Variants in CHSY3 observed in about 807,000 individuals in gnomAD.
CHSY3 encodes the protein N-acetylgalactosaminyl-proteoglycan 3-beta-glucuronosyltransferase 3.
A neutral mutation model predicts 67.2 loss-of-function variants in CHSY3; 35 were observed. That is an observed-to-expected ratio of 0.52 (90% CI 0.40 to 0.69). The LOEUF (loss-of-function observed/expected upper bound fraction) is 0.69, where lower values mean the gene tolerates loss of function less well. Ranked by LOEUF, CHSY3 falls within the 30% of genes least tolerant of loss-of-function variation. The probability of loss-of-function intolerance (pLI) is 0.00; values close to 1 mark genes in which losing one functional copy is unlikely to be tolerated. For synonymous variants in CHSY3, 474 were observed against 434.7 expected, an observed-to-expected ratio of 1.09 and a Z score of -1.12; for missense variants, 1,069 against 1,138.5, an observed-to-expected ratio of 0.94 and a Z score of 0.88.
At chr5:130,035,618 C>G (rs1764840660) in intron 2 of CHSY3, among the ~76,000 whole-genome samples, 1 of 152,036 alleles carries the variant, frequency 6.6e-6, no homozygotes, top group Non-Finnish European at 1.5e-5. Context: ...CAGAAATGAG[C>G]CAACCTCTGT....
intron 2 of CHSY3, among the ~76,000 whole-genome samples, chr5:130,083,563 G>A (rs1258662713): frequency 6.6e-6 from 1 of 152,000 alleles, no homozygotes; most frequent in Admixed American, 6.6e-5. Context: ...AGTCATCACA[G>A]GTGGTAACAT....
intron 2 of CHSY3, among the ~76,000 whole-genome samples, chr5:130,060,764 A>G (rs1448016801): frequency 6.6e-6 from 1 of 152,180 alleles, no homozygotes; most frequent in Non-Finnish European, 1.5e-5. Context: ...CCATATACTG[A>G]TAACATTCAA....
rs144543627 is a variant in CHSY3, at chr5:130,150,465, T to G, written c.1087-33764T>G. 9.5e-3 allele frequency among the ~76,000 whole-genome samples: 1,445 copies of G among 152,246 alleles called. 13 individuals are homozygous for G. Among genetic ancestry groups the G allele is most frequent in the Middle Eastern group, 0.014 (4 of 294 alleles). On this transcript the variant is annotated intron_variant, in intron 2 of 2. Coordinates refer to ENST00000305031, the MANE Select transcript of CHSY3 (RefSeq NM_175856.5). ...TTTATTACTTTAAAATGAAAAAATG[T>G]AAATAGAAATAATATTGTACTGGAG... is the stretch of plus-strand genomic sequence containing the variant.
intron 2 of CHSY3, among the ~76,000 whole-genome samples, chr5:130,178,181 G>C (rs1251020863): frequency 8.6e-6 from 1 of 116,104 alleles, no homozygotes; most frequent in Non-Finnish European, 1.7e-5. Flanking sequence ...ATATATATGT[G>C]TGTGTGTATA....
At chr5:130,182,652 A>G (rs557812020) in intron 2 of CHSY3, among the ~76,000 whole-genome samples, 18 of 152,250 alleles carry the variant, frequency 1.2e-4, no homozygotes, top group African/African-American at 4.1e-4. Context: ...TTACATCAAC[A>G]GGTCATCCAT....
At chr5:130,147,059 G>T (rs1025910272) in intron 2 of CHSY3, among the ~76,000 whole-genome samples, 1 of 152,196 alleles carries the variant, frequency 6.6e-6, no homozygotes, top group Non-Finnish European at 1.5e-5. Flanking sequence ...CTCCCAAAAT[G>T]TTGGGATTAC....
intron 2 of CHSY3, among the ~76,000 whole-genome samples, chr5:129,913,987 A>T (rs1463154481): frequency 2.6e-5 from 4 of 152,368 alleles, no homozygotes; most frequent in Admixed American, 1.3e-4. Flanking sequence ...AAGTAATATC[A>T]GAAAGCTGTA....
At position 130,184,394 on chromosome 5, in the gene CHSY3, C is replaced by T. The variant is rs370639793; in HGVS notation, c.1252C>T (p.Arg418Cys). The T allele has an allele frequency of 8.7e-6, 14 of 1,613,750 alleles. No individual in the cohort carries two copies. The highest frequency in any genetic ancestry group is 6.7e-5 in the East Asian group (3 of 44,886). ...GCTCAGCCGCAAAATTTCTGAACTT[C>T]GCTACCGCACCATCCAGCTCCACAG... Reference protein sequence around the residue: ...YMLSRKISELRYRTIQLHRES... With the variant: ...YMLSRKISELCYRTIQLHRES... Residue 418 changes from arginine to cysteine, a missense_variant, in exon 3 of 3, where the codon CGC (arginine) becomes TGC (cysteine). Coordinates refer to ENST00000305031, the MANE Select transcript of CHSY3 (RefSeq NM_175856.5).
At chr5:129,950,946 A>G (rs56102113) in intron 2 of CHSY3, among the ~76,000 whole-genome samples, 5,022 of 152,238 alleles carry the variant, frequency 0.033, 274 homozygotes, top group African/African-American at 0.11. Context: ...AATAGCTAAA[A>G]CACAAGAACA....
chr5:130,057,755 C>G (rs962968232), intron 2 of CHSY3, among the ~76,000 whole-genome samples: 12 of 152,104 alleles, frequency 7.9e-5, no homozygotes, highest in African/African-American at 2.9e-4. Context: ...ACATTCGTAC[C>G]AAGATGTTTA....
intron 2 of CHSY3, among the ~76,000 whole-genome samples, chr5:129,931,650 C>CAACA (rs1561460852): frequency 6.6e-6 from 1 of 152,084 alleles, no homozygotes; most frequent in Non-Finnish European, 1.5e-5. Flanking sequence ...CTAAATGATG[C>CAACA]TGTTAGGGTC....
chr5:130,149,901 G>T (rs1325298914), intron 2 of CHSY3, among the ~76,000 whole-genome samples: 2 of 152,078 alleles, frequency 1.3e-5, no homozygotes, highest in African/African-American at 2.4e-5. Flanking sequence ...CCATTAAAAT[G>T]ATGTTTATAA....
intron 2 of CHSY3, among the ~76,000 whole-genome samples, chr5:130,144,841 G>T (rs1769023245): frequency 6.6e-6 from 1 of 152,090 alleles, no homozygotes; most frequent in Non-Finnish European, 1.5e-5. Context: ...AATTTATAAA[G>T]AAAAAAGGTT....
rs920871652 is a variant in CHSY3, at chr5:130,185,340, A to G, written c.2198A>G (p.Asp733Gly). The G allele has an allele frequency of 1.9e-6, 3 of 1,608,894 alleles. No homozygotes were observed. The highest frequency in any genetic ancestry group is 2.7e-5 in the African/African-American group (2 of 74,832). The change falls in exon 3 of 3, where the codon GAC becomes GGC. Residue 733 changes from aspartate to glycine, a missense_variant. By Grantham distance (94) the Asp-to-Gly change is moderately conservative. Around this residue, in one of 5 missense-constraint regions of CHSY3, gnomAD observed 401 missense variants for 395.2 expected, o/e 1.01. Coordinates refer to ENST00000305031, the MANE Select transcript of CHSY3 (RefSeq NM_175856.5). Reference protein sequence around the residue: ...FREDFLQRCRDNTIQGQQVYY... With the variant: ...FREDFLQRCRGNTIQGQQVYY... ...GAAGATTTTCTCCAACGATGTAGAG[A>G]CAATACAATTCAGGGACAACAGGTG... is the stretch of plus-strand genomic sequence containing the variant.
chr5:130,043,191 T>G (rs968622163), intron 2 of CHSY3, among the ~76,000 whole-genome samples: 9 of 152,012 alleles, frequency 5.9e-5, no homozygotes, highest in African/African-American at 2.2e-4. Context: ...TGTTTTGTTG[T>G]TTGTTTGTTT....
intron 2 of CHSY3, among the ~76,000 whole-genome samples, chr5:130,121,372 T>C (rs566204787): frequency 6.6e-6 from 1 of 152,220 alleles, no homozygotes; most frequent in Non-Finnish European, 1.5e-5. Context: ...ATTTTTCTAA[T>C]GTATTTAGAG....
At chr5:130,009,318 T>C (rs1763977458) in intron 2 of CHSY3, among the ~76,000 whole-genome samples, 1 of 152,014 alleles carries the variant, frequency 6.6e-6, no homozygotes, top group Non-Finnish European at 1.5e-5. Flanking sequence ...ATATTCAGCA[T>C]CGCTAAAGAA....
chr5:130,025,705 G>A (rs1324540117), intron 2 of CHSY3, among the ~76,000 whole-genome samples: 2 of 152,134 alleles, frequency 1.3e-5, no homozygotes, highest in Middle Eastern at 3.4e-3. Flanking sequence ...TCCTCCCATA[G>A]CAGAAGGGCC....
At chr5:129,914,188 G>T (rs1396324874) in intron 2 of CHSY3, among the ~76,000 whole-genome samples, 1 of 151,980 alleles carries the variant, frequency 6.6e-6, no homozygotes, top group Admixed American at 6.6e-5. Flanking sequence ...TTGGCTCACT[G>T]CAACCTCCCC....
Sources: gnomAD v4.1 joint callset for allele counts (sites outside exome capture counted in the v4.1 genomes callset) on GRCh38, gnomAD v4.1.1 for gene constraint, gnomAD v4.1.1 regional missense constraint, MANE v1.5 for transcripts, NCBI Gene and HGNC (gene_info 2026-07-23, HGNC 2026-07-21) for gene names.